Variants in MYBL1 observed in about 807,000 individuals in gnomAD.
MYBL1 encodes myb-related protein A.
Under a neutral mutation model 96.3 loss-of-function variants are expected in MYBL1, and 17 were observed. The observed-to-expected ratio is 0.18, with a 90% CI of 0.12 to 0.26. The LOEUF is 0.26. Among genes scored for constraint, MYBL1 ranks in the 10% least tolerant of loss-of-function variants. MYBL1 has a pLI of 1.00. For missense variants in MYBL1, 701 were observed against 882.9 expected, an observed-to-expected ratio of 0.79 and a Z score of 2.61; for synonymous variants, 282 against 292.7, an observed-to-expected ratio of 0.96 and a Z score of 0.37.
Position 66,577,853 on chromosome 8 carries a change from A to G in MYBL1, c.1102-1478T>C, listed in dbSNP as rs575753592. ...ATACTACAAGGCTACAGTAACCAAAACAGCATGGTACTGGTACCAAAACAG... is the reference window on the plus strand; with the variant it reads ...ATACTACAAGGCTACAGTAACCAAAGCAGCATGGTACTGGTACCAAAACAG... On this transcript the variant is annotated intron_variant, in intron 9 of 15. Transcript: ENST00000522677. Among the ~76,000 whole-genome samples, 11 of 152,322 alleles carry G rather than the reference A, an allele frequency of 7.2e-5. No individual in the cohort carries two copies. The South Asian group carries it at 2.3e-3, about 32-fold the overall frequency.
intron 11 of MYBL1, 141 bp downstream of exon 11, chr8:66,573,218 CAAACA>C (rs928167030): frequency 3.2e-5 from 25 of 790,932 alleles, no homozygotes; most frequent in South Asian, 9.9e-5. Context: ...CCATCTCAAA[CAAACA>C]AAACAAAACA....
At chr8:66,612,739 C>A (rs1309383934) in intron 1 of MYBL1, 80 bp downstream of exon 1, 5 of 1,294,938 alleles carry the variant, frequency 3.9e-6, no homozygotes, top group Middle Eastern at 2.0e-4. Context: ...GGCCTTATGG[C>A]GGGAGGGGGC....
intron 12 of MYBL1, among the ~76,000 whole-genome samples, chr8:66,569,284 C>T (rs2082732746): frequency 6.6e-6 from 1 of 151,656 alleles, no homozygotes; most frequent in South Asian, 2.1e-4. Context: ...AAGGACATGA[C>T]CTCATTCTTT....
Position 66,592,375 on chromosome 8 carries a change from G to A in MYBL1, c.867+65C>T, listed in dbSNP as rs537440516. 2.8e-6 allele frequency: 3 copies of A among 1,069,298 alleles called. No homozygotes were observed. The East Asian group carries it at 7.4e-5, about 27-fold the overall frequency. 66.2% of individuals were successfully genotyped at this position (1,069,298 alleles called of 1,614,324 possible). A position where few individuals can be genotyped will look rare whatever the true frequency, so the allele number is the denominator to read the frequency against. On this transcript the variant is annotated intron_variant, in intron 8 of 15. Transcript: ENST00000522677. ...GTCATACTGAGTATGCTTTCTAGCT[G>A]ATAAAAATGACAAAAAGCATATATG...
At chr8:66,585,807 A>T (rs1308997510) in intron 8 of MYBL1, among the ~76,000 whole-genome samples, 1 of 152,122 alleles carries the variant, frequency 6.6e-6, no homozygotes, top group Non-Finnish European at 1.5e-5. Context: ...TTTTATGGGG[A>T]AGACCTCAAA....
chr8:66,567,586 CTT>C (rs1473280338), intron 12 of MYBL1, among the ~76,000 whole-genome samples: 2 of 152,040 alleles, frequency 1.3e-5, no homozygotes, highest in Non-Finnish European at 2.9e-5. Context: ...GAGATAGACA[CTT>C]GAGTGTCAGC....
intron 4 of MYBL1, 109 bp from the exon 5 acceptor site, chr8:66,597,659 C>G (rs1809903068): frequency 1.4e-6 from 1 of 690,284 alleles, no homozygotes; most frequent in Non-Finnish European, 2.3e-6. Context: ...GCCACAACTA[C>G]AATTTGTTAA....
At chr8:66,612,516 G>A (rs1057158619) in intron 1 of MYBL1, 2 of 376,210 alleles carry the variant, frequency 5.3e-6, no homozygotes, top group Non-Finnish European at 9.4e-6. Flanking sequence ...CGACTTACCT[G>A]GCAAGAAACC....
At position 66,564,689 on chromosome 8, in the gene MYBL1, A is replaced by G; in HGVS notation, c.*8T>C. The G allele has an allele frequency of 6.4e-7, 1 of 1,560,012 alleles. No homozygotes were observed. Among genetic ancestry groups the G allele is most frequent in the Non-Finnish European group, 8.7e-7 (1 of 1,149,066 alleles). On this transcript the variant is annotated 3_prime_UTR_variant, in exon 16 of 16. Coordinates refer to ENST00000522677, the MANE Select transcript of MYBL1 (RefSeq NM_001080416.4). ...GGGAGTGGGGCATTTCATCAATTTTAATAACAATTACAGTATGAGAGCTCT... is the reference window on the plus strand; with the variant it reads ...GGGAGTGGGGCATTTCATCAATTTTGATAACAATTACAGTATGAGAGCTCT...
At chr8:66,602,632 G>A in intron 1 of MYBL1, 109 bp from the exon 2 acceptor site, 1 of 438,798 alleles carries the variant, frequency 2.3e-6, no homozygotes, top group Admixed American at 4.9e-5. Context: ...CAGACTACAA[G>A]TCATATTCAC....
At chr8:66,573,289 T>C in intron 11 of MYBL1, 75 bp downstream of exon 11, 1 of 1,324,592 alleles carries the variant, frequency 7.5e-7, no homozygotes, top group Non-Finnish European at 1.0e-6. Context: ...TTGCTATTTA[T>C]ATGCACAAAA....
intron 7 of MYBL1, 79 bp downstream of exon 7, chr8:66,593,041 T>C: frequency 2.3e-6 from 2 of 851,796 alleles, no homozygotes; most frequent in Non-Finnish European, 1.9e-6. Flanking sequence ...GTTTAATAGA[T>C]GAGGAAATAG....
rs985926082 is a variant in MYBL1, at chr8:66,562,700, A to G, written c.*1997T>C. ...ACATTAAAAACAACAACAACAAAAA[A>G]CCATTATGTGCTATTAGTTCAAGGT... On this transcript the variant is annotated 3_prime_UTR_variant, in exon 16 of 16. Coordinates refer to ENST00000522677, the MANE Select transcript of MYBL1 (RefSeq NM_001080416.4). 1.3e-5 allele frequency: 2 copies of G among 152,356 alleles called. No homozygotes were observed. Among genetic ancestry groups the G allele is most frequent in the Admixed American group, 6.6e-5 (1 of 15,242 alleles). The allele number at this position is 152,356 out of a possible 1,614,324, so 9.4% of individuals were successfully genotyped here. A position where few individuals can be genotyped will look rare whatever the true frequency, so the allele number is the denominator to read the frequency against.
At position 66,593,190 on chromosome 8, in the gene MYBL1, G is replaced by A; in HGVS notation, c.692C>T (p.Pro231Leu). Residue 231 changes from proline (P) to leucine (L), a missense_variant, in exon 7 of 16, where the codon CCT becomes CTT. By Grantham distance (98) the Pro-to-Leu change is moderately conservative. This residue lies in a region of MYBL1 where 396 missense variants were observed against 407.4 expected (regional missense o/e 0.97). Coordinates refer to ENST00000522677, the MANE Select transcript of MYBL1 (RefSeq NM_001080416.4). The part of the protein sequence containing the change: ...QNQFYIPVQI[P>L]GYQYVSPEGN... ...TTCAGGTGACACATACTGATACCCAGGGATCTAAAAAGTAATTAATGCATT... is the reference window on the plus strand; with the variant it reads ...TTCAGGTGACACATACTGATACCCAAGGATCTAAAAAGTAATTAATGCATT... 6.4e-7 allele frequency: 1 copy of A among 1,568,736 alleles called. No homozygotes were observed. The highest frequency in any genetic ancestry group is 1.2e-5 in the South Asian group (1 of 84,976).
At chr8:66,588,471 G>C (rs1309536746) in intron 8 of MYBL1, among the ~76,000 whole-genome samples, 1 of 151,726 alleles carries the variant, frequency 6.6e-6, no homozygotes, top group Non-Finnish European at 1.5e-5. Context: ...GCAGAGACAG[G>C]GTTTCGCCAT....
In MYBL1 at chr8:66,574,077, T is replaced by C. The variant is rs139245123; in HGVS notation, c.1471-571A>G. Reference sequence around the variant, plus strand: ...ATAACAGAGTCCATTTTCTAAATTATATAATTTACAATTGTGAAATACTAA... The same window carrying C: ...ATAACAGAGTCCATTTTCTAAATTACATAATTTACAATTGTGAAATACTAA... On this transcript the variant is annotated intron_variant, in intron 10 of 15. Transcript: ENST00000522677. Among the ~76,000 whole-genome samples the C allele has an allele frequency of 3.0e-3, 451 of 152,320 alleles. 2 individuals are homozygous for C. The highest frequency in any genetic ancestry group is 0.011 in the African/African-American group (437 of 41,572).
At chr8:66,612,750 A>T in intron 1 of MYBL1, 69 bp downstream of exon 1, 4 of 1,324,428 alleles carry the variant, frequency 3.0e-6, no homozygotes, top group Non-Finnish European at 3.9e-6. Flanking sequence ...GGGAGGGGGC[A>T]GCGGGATAGG....
chr8:66,612,700 G>T, intron 1 of MYBL1, 119 bp downstream of exon 1: 1 of 1,209,344 alleles, frequency 8.3e-7, no homozygotes, highest in African/African-American at 1.6e-5. Context: ...GGGGACGCGG[G>T]AAGAAAAACC....
chr8:66,568,829 A>G (rs1261738259), intron 12 of MYBL1, among the ~76,000 whole-genome samples: 3 of 151,704 alleles, frequency 2.0e-5, no homozygotes, highest in Non-Finnish European at 2.9e-5. Context: ...GTTCAAGACC[A>G]TCCTGGCTAA....
Sources: gnomAD v4.1 joint callset for allele counts (sites outside exome capture counted in the v4.1 genomes callset) on GRCh38, gnomAD v4.1.1 for gene constraint, gnomAD v4.1.1 regional missense constraint, MANE v1.5 for transcripts, NCBI Gene and HGNC (gene_info 2026-07-23, HGNC 2026-07-21) for gene names.